Variants in CTXND1 observed in about 807,000 individuals in gnomAD.
CTXND1 encodes the protein cortexin domain containing 1.
chr15:80,234,817 T>C (rs550271370), intron 1 of CTXND1, among the ~76,000 whole-genome samples: 1 of 152,318 alleles, frequency 6.6e-6, no homozygotes, highest in Non-Finnish European at 1.5e-5. Context: ...CCATCGCCTG[T>C]GTCAAAATGT....
chr15:80,207,548 C>T (rs907496410), intron 1 of CTXND1, among the ~76,000 whole-genome samples: 1 of 152,176 alleles, frequency 6.6e-6, no homozygotes, highest in Non-Finnish European at 1.5e-5. Flanking sequence ...TCTAGGTCAT[C>T]TGTGAGTTTG....
chr15:80,207,558 G>T (rs1380747631), intron 1 of CTXND1, among the ~76,000 whole-genome samples: 1 of 152,126 alleles, frequency 6.6e-6, no homozygotes, highest in Non-Finnish European at 1.5e-5. Context: ...CTGTGAGTTT[G>T]CTTCTATTGT....
At chr15:80,220,039 A>G (rs998094401) in intron 1 of CTXND1, among the ~76,000 whole-genome samples, 7 of 151,918 alleles carry the variant, frequency 4.6e-5, no homozygotes, top group African/African-American at 7.3e-5. Flanking sequence ...CTTTTCTTTT[A>G]TAATTTTTGC....
intron 1 of CTXND1, among the ~76,000 whole-genome samples, chr15:80,227,729 T>C (rs992382310): frequency 2.0e-5 from 3 of 152,244 alleles, no homozygotes; most frequent in African/African-American, 7.2e-5. Context: ...CTACTGATCA[T>C]CTGAGGCTTC....
At position 80,203,594 on chromosome 15, in the gene CTXND1, G is replaced by A. The variant is rs1304100813; in HGVS notation, c.-71C>T. ...CACTCTCGGGGGACACTGACCTGCT[G>A]ACTGGAGTGGTCACCACTTCATAAG... On this transcript the variant is annotated 5_prime_UTR_variant, in exon 2 of 3. Transcript: ENST00000560778. 6.6e-6 allele frequency: 1 copy of A among 152,270 alleles called. No homozygotes were observed. Among genetic ancestry groups the A allele is most frequent in the Non-Finnish European group, 1.5e-5 (1 of 68,164 alleles). 9.4% of individuals were successfully genotyped at this position (152,270 alleles called of 1,614,324 possible).
chr15:80,238,697 G>A (rs1893531905), intron 1 of CTXND1, among the ~76,000 whole-genome samples: 1 of 152,094 alleles, frequency 6.6e-6, no homozygotes, highest in East Asian at 1.9e-4. Flanking sequence ...GGATGGTCTC[G>A]ATCTCCTGAC....
chr15:80,222,941 C>T (rs1257426704), intron 1 of CTXND1, among the ~76,000 whole-genome samples: 2 of 152,182 alleles, frequency 1.3e-5, no homozygotes, highest in Non-Finnish European at 2.9e-5. Context: ...CTAGAAGAAA[C>T]CACTATTCTG....
chr15:80,250,383 C>A (rs891262691), intron 1 of CTXND1, among the ~76,000 whole-genome samples: 1 of 152,010 alleles, frequency 6.6e-6, no homozygotes, highest in African/African-American at 2.4e-5. Flanking sequence ...TAAACAACTC[C>A]TATTCTGCCA....
chr15:80,229,489 C>A (rs182285379), intron 1 of CTXND1, among the ~76,000 whole-genome samples: 4 of 152,262 alleles, frequency 2.6e-5, no homozygotes, highest in Admixed American at 2.6e-4. Context: ...ATGGTCAGGT[C>A]CATGACAGAC....
chr15:80,245,412 C>G (rs1305607975), intron 1 of CTXND1, among the ~76,000 whole-genome samples: 1 of 152,180 alleles, frequency 6.6e-6, no homozygotes, highest in African/African-American at 2.4e-5. Context: ...TGACTGGGTT[C>G]AGCTGGGCAG....
At chr15:80,220,000 C>T (rs902610884) in intron 1 of CTXND1, among the ~76,000 whole-genome samples, 9 of 152,050 alleles carry the variant, frequency 5.9e-5, no homozygotes, top group East Asian at 1.9e-4. Flanking sequence ...TCAGATGTTT[C>T]GAATTTTAAT....
intron 1 of CTXND1, among the ~76,000 whole-genome samples, chr15:80,229,489 C>T (rs182285379): frequency 6.6e-6 from 1 of 152,146 alleles, no homozygotes; most frequent in Non-Finnish European, 1.5e-5. Flanking sequence ...ATGGTCAGGT[C>T]CATGACAGAC....
At chr15:80,209,565 T>C (rs985403098) in intron 1 of CTXND1, among the ~76,000 whole-genome samples, 1 of 152,206 alleles carries the variant, frequency 6.6e-6, no homozygotes, top group African/African-American at 2.4e-5. Context: ...CCAGTGTACT[T>C]GTCAAAGCGT....
intron 1 of CTXND1, among the ~76,000 whole-genome samples, chr15:80,222,327 A>AC (rs34052333): frequency 2.0e-5 from 3 of 151,792 alleles, no homozygotes; most frequent in East Asian, 3.9e-4. Context: ...TCATCAACAT[A>AC]CCCCCCCTTT....
At chr15:80,206,993 T>G (rs984856490) in intron 1 of CTXND1, among the ~76,000 whole-genome samples, 6 of 152,204 alleles carry the variant, frequency 3.9e-5, no homozygotes, top group African/African-American at 1.4e-4. Context: ...TTCCCCAAGG[T>G]CTTGTCTCCC....
rs542357867 is a variant in CTXND1 at position 80,195,660 on chromosome 15, G to A, written c.*6110C>T. The A allele has an allele frequency of 1.3e-5, 2 of 152,306 alleles. No individual in the cohort carries two copies. The highest frequency in any genetic ancestry group is 3.9e-4 in the East Asian group (2 of 5,184). The allele number at this position is 152,306 out of a possible 1,614,324, so 9.4% of individuals were successfully genotyped here. A position where few individuals can be genotyped will look rare whatever the true frequency, so the allele number is the denominator to read the frequency against. ...CCCTTCATAACAAACCCACTCTTGAGATAACTGCATTAATCCATTCACTCC... is the reference window on the plus strand; with the variant it reads ...CCCTTCATAACAAACCCACTCTTGAAATAACTGCATTAATCCATTCACTCC... On this transcript the variant is annotated 3_prime_UTR_variant, in exon 3 of 3. Transcript: ENST00000560778.
At chr15:80,224,044 C>A (rs1893347907) in intron 1 of CTXND1, among the ~76,000 whole-genome samples, 1 of 152,136 alleles carries the variant, frequency 6.6e-6, no homozygotes, top group Non-Finnish European at 1.5e-5. Flanking sequence ...TCTTGGGACA[C>A]TCACTTTGGG....
intron 1 of CTXND1, among the ~76,000 whole-genome samples, chr15:80,213,758 T>C (rs1297048800): frequency 2.0e-5 from 3 of 152,182 alleles, no homozygotes; most frequent in Non-Finnish European, 4.4e-5. Context: ...AGGAGCAACA[T>C]CTTTAGGATT....
intron 1 of CTXND1, among the ~76,000 whole-genome samples, chr15:80,225,051 A>G (rs1175196713): frequency 1.3e-5 from 2 of 152,226 alleles, no homozygotes; most frequent in East Asian, 1.9e-4. Context: ...CCTTCTGAAC[A>G]TTTCTGAATG....
Sources: allele counts gnomAD v4.1 joint callset (sites outside exome capture counted in the v4.1 genomes callset), GRCh38; gene constraint gnomAD v4.1.1; transcripts MANE v1.5; gene names NCBI Gene and HGNC (gene_info 2026-07-23, HGNC 2026-07-21).